PPFIBP1: variants seen among roughly 807,000 people sequenced by gnomAD.
PPFIBP1 encodes the protein PPFIB scaffold protein 1, also known as liprin-beta-1.
Under a neutral mutation model 137.8 loss-of-function variants are expected in PPFIBP1, and 112 were observed. The observed-to-expected ratio is 0.81, with a 90% CI of 0.70 to 0.95. PPFIBP1 has a LOEUF of 0.95. Ranked by LOEUF, PPFIBP1 falls within the 40% of genes least tolerant of loss-of-function variation. PPFIBP1 has a pLI of 0.00. For synonymous variants in PPFIBP1, 378 were observed against 417.3 expected, an observed-to-expected ratio of 0.91 and a Z score of 1.15; for missense variants, 1,083 against 1,196.6, an observed-to-expected ratio of 0.91 and a Z score of 1.40.
intron 1 of PPFIBP1, among the ~76,000 whole-genome samples, chr12:27,551,707 A>G (rs1946799909): frequency 6.6e-6 from 1 of 152,178 alleles, no homozygotes; most frequent in Non-Finnish European, 1.5e-5. Flanking sequence ...TAACAACTCA[A>G]TCACTTGGCT....
chr12:27,567,686 A>C (rs2049799993), intron 1 of PPFIBP1, among the ~76,000 whole-genome samples: 1 of 152,148 alleles, frequency 6.6e-6, no homozygotes, highest in Admixed American at 6.5e-5. Context: ...TCCATAATGA[A>C]AGTTTCAGGA....
intron 24 of PPFIBP1, among the ~76,000 whole-genome samples, chr12:27,684,737 A>G (rs1007746496): frequency 1.7e-5 from 2 of 118,192 alleles, no homozygotes; most frequent in African/African-American, 5.4e-5. Flanking sequence ...AGTTAATATT[A>G]CTAATATTAT....
chr12:27,532,071 G>A (rs999056714), intron 1 of PPFIBP1, among the ~76,000 whole-genome samples: 4 of 152,134 alleles, frequency 2.6e-5, no homozygotes, highest in Non-Finnish European at 5.9e-5. Flanking sequence ...CTAACAGCTG[G>A]TTTCTTGGCA....
intron 19 of PPFIBP1, 95 bp from the exon 20 acceptor site, chr12:27,679,394 C>G (rs2060750005): frequency 2.4e-6 from 3 of 1,235,260 alleles, no homozygotes; most frequent in Non-Finnish European, 3.4e-6. Flanking sequence ...TATAGACCAA[C>G]AGAAGAATTC....
rs1014698133 is a variant in PPFIBP1 at position 27,679,455 on chromosome 12, A to G, written c.1616-34A>G. ...TAACATCATGTTTATTCCATATTTT[A>G]AAATTCATTGTCTGCATTCTGCTCT... On this transcript the variant is annotated intron_variant, in intron 19 of 29. Coordinates refer to ENST00000228425, the MANE Select transcript of PPFIBP1 (RefSeq NM_003622.4). 7 of 1,577,854 alleles carry G rather than the reference A, an allele frequency of 4.4e-6. No homozygotes were observed. The Admixed American group carries it at 7.6e-5, about 17-fold the overall frequency.
chr12:27,587,979 C>G (rs1411471171), intron 2 of PPFIBP1, among the ~76,000 whole-genome samples: 1 of 152,156 alleles, frequency 6.6e-6, no homozygotes. Flanking sequence ...TCTCTTGTCT[C>G]CCTGTCTTTT....
intron 2 of PPFIBP1, 75 bp from the exon 3 acceptor site, chr12:27,633,287 T>G: frequency 1.0e-6 from 1 of 980,272 alleles, no homozygotes; most frequent in Non-Finnish European, 1.6e-6. Context: ...GAGTTATCAT[T>G]TGAAGGTGAA....
chr12:27,676,767 T>C lies in PPFIBP1; in HGVS notation c.1582+168T>C, dbSNP rs74580280. The stretch of plus-strand genomic sequence containing the variant: ...AAATGCCTCCGTGGATTTAATTTAG[T>C]GTTGTGAAGATATATAGACTCTCAC... On this transcript the variant is annotated intron_variant, in intron 18 of 29. Transcript: ENST00000228425. 3.3e-3 allele frequency: 2,374 copies of C among 720,096 alleles called. 40 individuals are homozygous for C. The African/African-American group carries it at 0.038, about 12-fold the overall frequency. The allele number at this position is 720,096 out of a possible 1,614,324, so 44.6% of individuals were successfully genotyped here.
intron 2 of PPFIBP1, chr12:27,584,057 G>A (rs1456886985): frequency 6.6e-6 from 1 of 152,180 alleles, no homozygotes; most frequent in African/African-American, 2.4e-5. Flanking sequence ...GGTCCTGCGA[G>A]CCTTTGACCA....
At position 27,672,443 on chromosome 12, in the gene PPFIBP1, C is replaced by T. The variant is rs751660733; in HGVS notation, c.1279C>T (p.Leu427Phe). The change falls in exon 15 of 30, where the codon CTT (leucine) becomes TTT (phenylalanine). Residue 427 changes from leucine to phenylalanine, a missense_variant. Physicochemically the swap from Leu to Phe is conservative, Grantham distance 22. Coordinates refer to ENST00000228425, the MANE Select transcript of PPFIBP1 (RefSeq NM_003622.4). ...SFEENDGNII[L>F]GATVDTQLCD... ...ACATTTTAGTGATGGAAACATAATC[C>T]TTGGTGCCACTGTTGATACCCAACT... 1 of 1,608,190 alleles carries T rather than the reference C, an allele frequency of 6.2e-7. No homozygotes were observed.
intron 2 of PPFIBP1, among the ~76,000 whole-genome samples, chr12:27,623,854 C>T (rs530704677): frequency 6.6e-5 from 10 of 152,154 alleles, no homozygotes; most frequent in South Asian, 6.2e-4. Context: ...TGTGTGTTTG[C>T]GGAGCCACTG....
chr12:27,560,630 G>A lies in PPFIBP1; in HGVS notation c.-123-17522G>A, dbSNP rs182308797. Among the ~76,000 whole-genome samples, 162 of 152,300 alleles carry A rather than the reference G, an allele frequency of 1.1e-3. No individual in the cohort carries two copies. The South Asian group carries it at 0.016, about 15-fold the overall frequency. ...TGTGAGCTCAGTACTGTGTGAGTGA[G>A]TTACTTACATCAACACAGCCATACG... On this transcript the variant is annotated intron_variant, in intron 1 of 29. Transcript: ENST00000228425.
intron 24 of PPFIBP1, among the ~76,000 whole-genome samples, chr12:27,683,173 C>T (rs546030783): frequency 6.6e-6 from 1 of 152,176 alleles, no homozygotes; most frequent in East Asian, 1.9e-4. Flanking sequence ...AAGCCATTCT[C>T]CTGCCTCAGC....
At position 27,676,957 on chromosome 12, in the gene PPFIBP1, C is replaced by T. The variant is rs112641276; in HGVS notation, c.1583-107C>T. The stretch of plus-strand genomic sequence containing the variant: ...CTGTGTGCCGCATGCCTCTCCTCCA[C>T]GGTGTGTATTTGGCGAGGAGGAGTC... On this transcript the variant is annotated intron_variant, in intron 18 of 29. Transcript: ENST00000228425. 4,608 of 1,434,414 alleles carry T rather than the reference C, an allele frequency of 3.2e-3. 107 individuals are homozygous for T. The African/African-American group carries it at 0.051, about 16-fold the overall frequency. The allele number at this position is 1,434,414 out of a possible 1,614,324, so 88.9% of individuals were successfully genotyped here. A position where few individuals can be genotyped will look rare whatever the true frequency, so the allele number is the denominator to read the frequency against.
At chr12:27,664,836 C>T (rs906019970) in intron 12 of PPFIBP1, among the ~76,000 whole-genome samples, 10 of 152,084 alleles carry the variant, frequency 6.6e-5, no homozygotes, top group African/African-American at 1.9e-4. Flanking sequence ...CCTCTGGTAG[C>T]GCAAGGGGTG....
chr12:27,666,788 G>A (rs1449822428), intron 12 of PPFIBP1, among the ~76,000 whole-genome samples: 1 of 152,122 alleles, frequency 6.6e-6, no homozygotes, highest in Non-Finnish European at 1.5e-5. Context: ...TTCGTTTTTT[G>A]TACCAGGTAT....
intron 4 of PPFIBP1, 50 bp downstream of exon 4, chr12:27,635,165 C>T (rs760134474): frequency 6.3e-7 from 1 of 1,583,162 alleles, no homozygotes; most frequent in Non-Finnish European, 8.7e-7. Context: ...GTTGCTTATT[C>T]CAAAATTTAG....
rs1463050375 is a variant in PPFIBP1 at position 27,594,780 on chromosome 12, T to G, written c.-36+16541T>G. On this transcript the variant is annotated intron_variant, in intron 2 of 29. Transcript: ENST00000228425. The stretch of plus-strand genomic sequence containing the variant: ...GGTAATAACTATCAAAACATTTTGA[T>G]GGACTTCCTTATCTTTTCTATTTAT... Among the ~76,000 whole-genome samples, 4 of 152,352 alleles carry G rather than the reference T, an allele frequency of 2.6e-5. No homozygotes were observed. The East Asian group carries it at 7.7e-4, about 29-fold the overall frequency.
At chr12:27,553,023 A>T (rs1416834535) in intron 1 of PPFIBP1, among the ~76,000 whole-genome samples, 1 of 151,860 alleles carries the variant, frequency 6.6e-6, no homozygotes, top group Non-Finnish European at 1.5e-5. Flanking sequence ...GTTCTTTGCT[A>T]AACTTGGATT....
Sources: gnomAD v4.1 joint callset for allele counts (sites outside exome capture counted in the v4.1 genomes callset) on GRCh38, gnomAD v4.1.1 for gene constraint, MANE v1.5 for transcripts, NCBI Gene and HGNC (gene_info 2026-07-23, HGNC 2026-07-21) for gene names.